AKR1C3: variants seen among roughly 807,000 people sequenced by gnomAD.
AKR1C3 encodes the protein 3-alpha hydroxysteroid dehydrogenase, type II.
Under a neutral mutation model 43.6 loss-of-function variants are expected in AKR1C3, and 48 were observed. The observed-to-expected ratio is 1.10, with a 90% CI of 0.87 to 1.40. AKR1C3 has a LOEUF of 1.40. Ranked by LOEUF, AKR1C3 falls within the 40% of genes most tolerant of loss-of-function variation. The probability of loss-of-function intolerance (pLI) is 0.00; values close to 1 mark genes in which losing one functional copy is unlikely to be tolerated. For synonymous variants in AKR1C3, 162 were observed against 139.6 expected, an observed-to-expected ratio of 1.16 and a Z score of -1.13; for missense variants, 482 against 391.2, an observed-to-expected ratio of 1.23 and a Z score of -1.96.
At chr10:5,060,615 G>T (rs1409433024) in intron 1 of AKR1C3, among the ~76,000 whole-genome samples, 1 of 152,032 alleles carries the variant, frequency 6.6e-6, no homozygotes, top group Non-Finnish European at 1.5e-5. Flanking sequence ...CAGGAGCCCA[G>T]CTGGCTTCAC....
chr10:5,049,617 A>G (rs1838111465), intron 1 of AKR1C3, among the ~76,000 whole-genome samples: 1 of 152,232 alleles, frequency 6.6e-6, no homozygotes, highest in Non-Finnish European at 1.5e-5. Flanking sequence ...TTTATAGACT[A>G]AACTATTTCT....
chr10:5,107,335 A>C, intron 8 of AKR1C3, 126 bp from the exon 9 acceptor site: 1 of 684,194 alleles, frequency 1.5e-6, no homozygotes. Context: ...AAAGGTAAGA[A>C]AGGCAGATTC....
intron 1 of AKR1C3, among the ~76,000 whole-genome samples, chr10:5,072,887 T>C (rs887136326): frequency 6.6e-6 from 1 of 152,236 alleles, no homozygotes; most frequent in Non-Finnish European, 1.5e-5. Flanking sequence ...GAGATTTCTT[T>C]CTGTCTTTGT....
chr10:5,054,426 G>A (rs1838217197), intron 1 of AKR1C3, among the ~76,000 whole-genome samples: 2 of 152,116 alleles, frequency 1.3e-5, no homozygotes. Flanking sequence ...GTACTGATAA[G>A]GTCTGATTTC....
At chr10:5,091,633 C>T (rs1839091551), upstream of AKR1C3, among the ~76,000 whole-genome samples, 1 of 151,992 alleles carries the variant, frequency 6.6e-6, no homozygotes, top group Non-Finnish European at 1.5e-5. Flanking sequence ...ATATACAGCA[C>T]CCTATAGTTA....
intron 1 of AKR1C3, chr10:5,078,069 C>T (rs1445851296): frequency 1.6e-6 from 1 of 625,470 alleles, no homozygotes; most frequent in Non-Finnish European, 2.8e-6. Flanking sequence ...ATTACAAAAA[C>T]AGAAAGCTAT....
chr10:5,064,239 G>A (rs112277386), intron 1 of AKR1C3, among the ~76,000 whole-genome samples: 6,006 of 152,206 alleles, frequency 0.039, 406 homozygotes, highest in African/African-American at 0.14. Context: ...GCAGGCCCAT[G>A]GACCAAGGGA....
intron 1 of AKR1C3, among the ~76,000 whole-genome samples, chr10:5,051,203 C>G (rs1838146840): frequency 6.6e-6 from 1 of 152,160 alleles, no homozygotes; most frequent in Non-Finnish European, 1.5e-5. Flanking sequence ...TCAAATGATT[C>G]TCGTGTCTCA....
chr10:5,057,978 C>T (rs554287379), intron 1 of AKR1C3, among the ~76,000 whole-genome samples: 1 of 152,282 alleles, frequency 6.6e-6, no homozygotes, highest in Admixed American at 6.5e-5. Context: ...CCCAGGTCTG[C>T]CTTGATCTGC....
chr10:5,107,041 G>A (rs1235509411), intron 8 of AKR1C3, among the ~76,000 whole-genome samples: 2 of 152,126 alleles, frequency 1.3e-5, no homozygotes, highest in African/African-American at 4.8e-5. Flanking sequence ...TTCTATATAA[G>A]AATTTTTAAT....
chr10:5,083,576 C>T (rs1838885653), intron 1 of AKR1C3, among the ~76,000 whole-genome samples: 1 of 152,152 alleles, frequency 6.6e-6, no homozygotes, highest in African/African-American at 2.4e-5. Context: ...GATTTATAAT[C>T]CTTTGGGTAT....
At chr10:5,088,107 T>A (rs1406138369) in intron 1 of AKR1C3, among the ~76,000 whole-genome samples, 1 of 152,194 alleles carries the variant, frequency 6.6e-6, no homozygotes, top group Non-Finnish European at 1.5e-5. Flanking sequence ...ATTGTTTAAT[T>A]TTTCATGCAC....
intron 1 of AKR1C3, among the ~76,000 whole-genome samples, chr10:5,082,583 TG>T (rs1357400769): frequency 6.6e-6 from 1 of 152,158 alleles, no homozygotes; most frequent in Admixed American, 6.6e-5. Context: ...TGGTGAATCG[TG>T]GTGTAATCAT....
At chr10:5,070,682 T>A (rs1338499225) in intron 1 of AKR1C3, among the ~76,000 whole-genome samples, 4 of 152,184 alleles carry the variant, frequency 2.6e-5, no homozygotes, top group African/African-American at 9.7e-5. Flanking sequence ...ATAAATGGGA[T>A]TAGTGTCCTT....
intron 1 of AKR1C3, chr10:5,081,955 T>C (rs1252761419): frequency 6.6e-6 from 1 of 152,214 alleles, no homozygotes; most frequent in African/African-American, 2.4e-5. Context: ...AAGAGAGAAG[T>C]AGAAGCTACA....
chr10:5,092,495 T>C (rs1002421632), upstream of AKR1C3, among the ~76,000 whole-genome samples: 1 of 151,698 alleles, frequency 6.6e-6, no homozygotes, highest in African/African-American at 2.4e-5. Context: ...TTTTTTTTTT[T>C]TTTGCCTTAG....
At chr10:5,050,573 G>A (rs532256276) in intron 1 of AKR1C3, among the ~76,000 whole-genome samples, 164 of 152,206 alleles carry the variant, frequency 1.1e-3, no homozygotes, top group African/African-American at 3.6e-3. Context: ...CACATTGTAA[G>A]AACTCAAAAA....
chr10:5,080,015 T>C (rs1838798205), intron 1 of AKR1C3, among the ~76,000 whole-genome samples: 1 of 152,182 alleles, frequency 6.6e-6, no homozygotes, highest in Non-Finnish European at 1.5e-5. Context: ...TGAGCAAACA[T>C]GACCTGGACA....
chr10:5,098,103 G>T, intron 3 of AKR1C3: 1 of 986,656 alleles, frequency 1.0e-6, no homozygotes, highest in Non-Finnish European at 1.2e-6. Context: ...TATAACTTTT[G>T]ATTTAAAGTT....
Sources: allele counts gnomAD v4.1 joint callset (sites outside exome capture counted in the v4.1 genomes callset), GRCh38; gene constraint gnomAD v4.1.1; transcripts MANE v1.5; gene names NCBI Gene and HGNC (gene_info 2026-07-23, HGNC 2026-07-21).